Variants in TNR observed in about 807,000 individuals in gnomAD.
The protein encoded by TNR is tenascin R.
In TNR, 45 loss-of-function variants were observed where a neutral mutation model predicts 150.4. That is an observed-to-expected ratio of 0.30 (90% confidence interval 0.24 to 0.38). The LOEUF is 0.38. TNR is among the 10% of genes least tolerant of loss of function. The pLI, the probability that TNR is intolerant of heterozygous loss-of-function variation, is 1.00. For synonymous variants in TNR, 687 were observed against 678.4 expected, an observed-to-expected ratio of 1.01 and a Z score of -0.20; for missense variants, 1,544 against 1,759.1, an observed-to-expected ratio of 0.88 and a Z score of 2.19.
At chr1:175,698,349 G>C (rs1051374616) in intron 1 of TNR, among the ~76,000 whole-genome samples, 1 of 152,306 alleles carries the variant, frequency 6.6e-6, no homozygotes, top group African/African-American at 2.4e-5. Context: ...AGGTGACACC[G>C]AAGAGCAGAC....
chr1:175,685,262 T>G (rs557680524), intron 1 of TNR, among the ~76,000 whole-genome samples: 1 of 152,218 alleles, frequency 6.6e-6, no homozygotes, highest in African/African-American at 2.4e-5. Context: ...AGGAAAAGAC[T>G]TGAAACTTCA....
At chr1:175,675,198 G>A (rs560492301) in intron 1 of TNR, among the ~76,000 whole-genome samples, 3 of 152,184 alleles carry the variant, frequency 2.0e-5, no homozygotes, top group Non-Finnish European at 2.9e-5. Flanking sequence ...TGTGCATATC[G>A]GCTTGTCGCC....
At chr1:175,361,243 G>T (rs1045965490) in intron 14 of TNR, among the ~76,000 whole-genome samples, 1 of 152,132 alleles carries the variant, frequency 6.6e-6, no homozygotes, top group African/African-American at 2.4e-5. Flanking sequence ...ATGAGTTTTT[G>T]ATTGAAGTTG....
intron 1 of TNR, among the ~76,000 whole-genome samples, chr1:175,529,563 T>C (rs1425770141): frequency 6.6e-6 from 1 of 152,198 alleles, no homozygotes; most frequent in South Asian, 2.1e-4. Flanking sequence ...TGGGAGGTGT[T>C]GCAGGTGATA....
At position 175,396,812 on chromosome 1, in the gene TNR, C is replaced by T. The variant is rs370265971; in HGVS notation, c.977-5G>A. 1.2e-5 allele frequency: 20 copies of T among 1,611,026 alleles called. No individual in the cohort carries two copies. The highest frequency in any genetic ancestry group is 5.0e-5 in the Admixed American group (3 of 59,916). On this transcript the variant is annotated splice_polypyrimidine_tract_variant and splice_region_variant and intron_variant, in intron 4 of 22. Coordinates refer to ENST00000367674, the MANE Select transcript of TNR (RefSeq NM_003285.3). ...GCAAGTCCTCTGGAGGGGCAACTAC[C>T]GGGAGGCAATACACAGATAGCATGA...
intron 1 of TNR, among the ~76,000 whole-genome samples, chr1:175,695,202 T>G (rs992008728): frequency 3.9e-5 from 6 of 152,202 alleles, no homozygotes; most frequent in Non-Finnish European, 8.8e-5. Flanking sequence ...TCCCTTGCTC[T>G]TGGGGAAGCC....
chr1:175,616,215 A>T (rs982061850), intron 1 of TNR, among the ~76,000 whole-genome samples: 3 of 152,114 alleles, frequency 2.0e-5, no homozygotes, highest in African/African-American at 4.8e-5. Flanking sequence ...GATGCATTTT[A>T]TCTGATCTCT....
intron 2 of TNR, among the ~76,000 whole-genome samples, chr1:175,524,274 G>T (rs1422234219): frequency 6.6e-6 from 1 of 152,088 alleles, no homozygotes; most frequent in Non-Finnish European, 1.5e-5. Context: ...GAATTATGTT[G>T]AATTTGTTGC....
At chr1:175,474,022 A>C (rs1380965662) in intron 2 of TNR, among the ~76,000 whole-genome samples, 1 of 152,060 alleles carries the variant, frequency 6.6e-6, no homozygotes, top group Non-Finnish European at 1.5e-5. Context: ...CACACACACA[A>C]ATTCTCCATT....
At chr1:175,603,406 C>T (rs988826789) in intron 1 of TNR, among the ~76,000 whole-genome samples, 2 of 152,180 alleles carry the variant, frequency 1.3e-5, no homozygotes, top group Non-Finnish European at 2.9e-5. Flanking sequence ...AAAAGATGGC[C>T]TGAATCATTA....
intron 1 of TNR, among the ~76,000 whole-genome samples, chr1:175,563,009 G>A (rs1405373772): frequency 6.6e-6 from 1 of 152,214 alleles, no homozygotes; most frequent in African/African-American, 2.4e-5. Flanking sequence ...CAGGAAGCAT[G>A]ATTGATCCCA....
At chr1:175,579,727 G>C (rs1231248215) in intron 1 of TNR, among the ~76,000 whole-genome samples, 1 of 151,720 alleles carries the variant, frequency 6.6e-6, no homozygotes, top group Non-Finnish European at 1.5e-5. Flanking sequence ...AAAGAGGCCA[G>C]GGCAGGGGTT....
intron 2 of TNR, among the ~76,000 whole-genome samples, chr1:175,441,351 A>G (rs936997788): frequency 2.6e-5 from 4 of 152,230 alleles, no homozygotes; most frequent in Non-Finnish European, 4.4e-5. Flanking sequence ...ATAGAAAACA[A>G]CATGTTTTGA....
rs138963879 is a variant in TNR at position 175,467,905 on chromosome 1, A to T, written c.-64+60364T>A. 3.7e-3 allele frequency among the ~76,000 whole-genome samples: 568 copies of T among 152,364 alleles called. 6 individuals carry two copies. Among genetic ancestry groups the T allele is most frequent in the African/African-American group, 0.013 (540 of 41,586 alleles). ...TAATGCAAATGCTAGTGAAAAATAG[A>T]TTCAGCCTACTTCATGGAGAGATGC... On this transcript the variant is annotated intron_variant, in intron 2 of 22. Transcript: ENST00000367674.
chr1:175,553,807 T>C (rs1254457402), intron 1 of TNR, among the ~76,000 whole-genome samples: 1 of 95,222 alleles, frequency 1.1e-5, no homozygotes, highest in Non-Finnish European at 2.3e-5. Context: ...CATATGCATA[T>C]ACAAGAACAA....
At chr1:175,690,086 CA>C (rs1666315565) in intron 1 of TNR, among the ~76,000 whole-genome samples, 1 of 152,136 alleles carries the variant, frequency 6.6e-6, no homozygotes, top group Non-Finnish European at 1.5e-5. Context: ...GGTTTACAGG[CA>C]AAATTACAAG....
At chr1:175,698,464 G>A (rs12034759) in intron 1 of TNR, among the ~76,000 whole-genome samples, 15,667 of 152,188 alleles carry the variant, frequency 0.1, 1,104 homozygotes, top group African/African-American at 0.19. Flanking sequence ...AGATGGTGAG[G>A]AGACCAGCGG....
intron 1 of TNR, among the ~76,000 whole-genome samples, chr1:175,533,734 T>C (rs183604135): frequency 1.5e-3 from 230 of 152,376 alleles, no homozygotes; most frequent in Admixed American, 3.1e-3. Context: ...TTTAATTGAA[T>C]GACCCAGTGG....
intron 2 of TNR, among the ~76,000 whole-genome samples, chr1:175,504,751 C>A (rs1436351724): frequency 6.6e-6 from 1 of 152,180 alleles, no homozygotes; most frequent in Admixed American, 6.5e-5. Context: ...GAACTGGTTC[C>A]CCATGTGTTG....
Sources: allele counts gnomAD v4.1 joint callset (sites outside exome capture counted in the v4.1 genomes callset), GRCh38; gene constraint gnomAD v4.1.1; transcripts MANE v1.5; gene names NCBI Gene and HGNC (gene_info 2026-07-23, HGNC 2026-07-21).